STK3: variants seen among roughly 807,000 people sequenced by gnomAD.
The protein encoded by STK3 is serine/threonine-protein kinase 3.
A neutral mutation model predicts 58.0 loss-of-function variants in STK3; 41 were observed. That is an observed-to-expected ratio of 0.71 (90% confidence interval 0.55 to 0.92). The LOEUF is 0.92. Ranked by LOEUF, STK3 falls within the 40% of genes least tolerant of loss-of-function variation. The pLI is 0.00. For missense variants in STK3, 479 were observed against 602.7 expected, an observed-to-expected ratio of 0.79 and a Z score of 2.15; for synonymous variants, 170 against 191.0, an observed-to-expected ratio of 0.89 and a Z score of 0.91.
At chr8:98,365,582 G>A in the STK3 span, among the ~76,000 whole-genome samples, 1 of 152,098 alleles carries the variant, frequency 6.6e-6, no homozygotes, top group African/African-American at 2.4e-5. Context: ...TTTTTAAAAA[G>A]AAATAAAACA....
At chr8:98,508,437 A>G (rs78655219) in intron 10 of STK3, among the ~76,000 whole-genome samples, 1,654 of 152,274 alleles carry the variant, frequency 0.011, 25 homozygotes, top group African/African-American at 0.037. Context: ...GACAAGAAGT[A>G]GACCAGTGGC....
At chr8:98,413,807 AG>A in intron 3 of STK3, 1 of 611,718 alleles carries the variant, frequency 1.6e-6, no homozygotes. Context: ...TGGGGGCCTC[AG>A]GGTTCACCCA....
chr8:98,480,807 G>T (rs541103837), intron 10 of STK3, among the ~76,000 whole-genome samples: 4 of 152,258 alleles, frequency 2.6e-5, no homozygotes, highest in African/African-American at 9.6e-5. Context: ...GACTCCATTT[G>T]GGGGAAAGTT....
At chr8:98,941,091 C>T (rs933858014) in intron 1 of STK3, among the ~76,000 whole-genome samples, 1 of 152,244 alleles carries the variant, frequency 6.6e-6, no homozygotes, top group African/African-American at 2.4e-5. Context: ...CCCCCTCAGC[C>T]CGCGCCACGC....
chr8:98,576,950 C>G (rs369087678), intron 8 of STK3, among the ~76,000 whole-genome samples: 5 of 152,046 alleles, frequency 3.3e-5, no homozygotes, highest in African/African-American at 1.2e-4. Context: ...TGAGCTACAC[C>G]GGGAATATGG....
intron 3 of STK3, among the ~76,000 whole-genome samples, chr8:98,395,236 T>TA (rs920267921): frequency 1.3e-3 from 195 of 146,804 alleles, no homozygotes; most frequent in African/African-American, 1.8e-3. Context: ...GGCATCTGAT[T>TA]AAAAAAAAAA....
At chr8:98,634,770 C>A (rs1677134421) in intron 6 of STK3, among the ~76,000 whole-genome samples, 1 of 152,082 alleles carries the variant, frequency 6.6e-6, no homozygotes, top group African/African-American at 2.4e-5. Flanking sequence ...GGAATGGAGA[C>A]AGCAGTGTTC....
chr8:98,847,377 C>G (rs1836247091), intron 3 of STK3, among the ~76,000 whole-genome samples: 1 of 152,194 alleles, frequency 6.6e-6, no homozygotes, highest in Admixed American at 6.5e-5. Context: ...GTGAATCTTG[C>G]ACTGTCAACT....
At chr8:98,872,039 GT>G (rs1266377123) in intron 3 of STK3, among the ~76,000 whole-genome samples, 1 of 152,134 alleles carries the variant, frequency 6.6e-6, no homozygotes, top group Non-Finnish European at 1.5e-5. Context: ...TTTATTGAGA[GT>G]TTTTAGCATG....
intron 3 of STK3, among the ~76,000 whole-genome samples, chr8:98,425,062 G>A (rs529278114): frequency 5.3e-5 from 8 of 152,330 alleles, no homozygotes; most frequent in African/African-American, 1.9e-4. Context: ...TTGGAAAAGG[G>A]TGAAAGAGGC....
At chr8:98,830,307 G>A (rs571467067), upstream of STK3, among the ~76,000 whole-genome samples, 176 of 152,232 alleles carry the variant, frequency 1.2e-3, no homozygotes, top group Middle Eastern at 3.4e-3. Context: ...AGGCCTCAAC[G>A]AGAGAGTGAC....
chr8:98,633,605 T>C, intron 6 of STK3: 1 of 744,572 alleles, frequency 1.3e-6, no homozygotes, highest in Non-Finnish European at 2.5e-6. Flanking sequence ...TCTCAGTCCA[T>C]TTGCGGAGGA....
chr8:98,755,376 G>C (rs898894712), intron 3 of STK3, among the ~76,000 whole-genome samples: 5 of 152,162 alleles, frequency 3.3e-5, no homozygotes, highest in Admixed American at 3.3e-4. Context: ...ACCATGGCAA[G>C]AAAAGAAGAA....
intron 8 of STK3, among the ~76,000 whole-genome samples, chr8:98,577,934 A>T (rs1813548262): frequency 6.6e-6 from 1 of 152,144 alleles, no homozygotes; most frequent in Non-Finnish European, 1.5e-5. Flanking sequence ...GAGTAAGGAA[A>T]GATCTTAAGC....
chr8:98,795,129 T>TAC (rs1554678768), intron 1 of STK3, among the ~76,000 whole-genome samples: 11 of 95,942 alleles, frequency 1.1e-4, no homozygotes, highest in African/African-American at 4.6e-4. Context: ...TATATATATA[T>TAC]ACATACTAGT....
At chr8:98,701,482 G>T (rs1825611669) in intron 6 of STK3, among the ~76,000 whole-genome samples, 1 of 151,960 alleles carries the variant, frequency 6.6e-6, no homozygotes, top group Non-Finnish European at 1.5e-5. Flanking sequence ...AGCTTGGCAT[G>T]GTGGTGCGCA....
At chr8:98,568,248 C>T (rs1027613067) in intron 8 of STK3, among the ~76,000 whole-genome samples, 3 of 152,108 alleles carry the variant, frequency 2.0e-5, no homozygotes, top group African/African-American at 7.2e-5. Flanking sequence ...CTCAAAACTA[C>T]AATAAAGCCA....
intron 10 of STK3, among the ~76,000 whole-genome samples, chr8:98,505,407 C>A (rs1823980908): frequency 6.6e-6 from 1 of 152,290 alleles, no homozygotes; most frequent in Non-Finnish European, 1.5e-5. Flanking sequence ...TCATCAAAGT[C>A]ATTCTCTGTC....
intron 1 of STK3, among the ~76,000 whole-genome samples, chr8:98,797,895 T>C (rs762627437): frequency 1.3e-5 from 2 of 152,074 alleles, no homozygotes; most frequent in African/African-American, 2.4e-5. Flanking sequence ...GTTGATGAAA[T>C]AGACCGAGCA....
Sources: gnomAD v4.1 joint callset for allele counts (sites outside exome capture counted in the v4.1 genomes callset) on GRCh38, gnomAD v4.1.1 for gene constraint, MANE v1.5 for transcripts, NCBI Gene and HGNC (gene_info 2026-07-23, HGNC 2026-07-21) for gene names.